Variants in CCDC91 observed in about 807,000 individuals in gnomAD.
CCDC91 encodes coiled-coil domain containing 91.
Under a neutral mutation model 63.2 loss-of-function variants are expected in CCDC91, and 48 were observed. The observed-to-expected ratio is 0.76, with a 90% CI of 0.60 to 0.97. CCDC91 has a LOEUF of 0.97. Among genes scored for constraint, CCDC91 ranks in the 50% least tolerant of loss-of-function variants. The pLI, the probability that CCDC91 is intolerant of heterozygous loss-of-function variation, is 0.00. For missense variants in CCDC91, 500 were observed against 494.6 expected (o/e 1.01, Z -0.10); for synonymous variants, 167 against 165.8 (o/e 1.01, Z -0.06).
intron 10 of CCDC91, among the ~76,000 whole-genome samples, chr12:28,450,936 AT>A: frequency 6.6e-6 from 1 of 151,858 alleles, no homozygotes; most frequent in Middle Eastern, 3.4e-3. Flanking sequence ...GGTGACTATG[AT>A]TTTGTCTTTT....
At chr12:28,335,836 C>T (rs1941934938) in intron 6 of CCDC91, among the ~76,000 whole-genome samples, 1 of 151,646 alleles carries the variant, frequency 6.6e-6, no homozygotes, top group Non-Finnish European at 1.5e-5. Flanking sequence ...ATTATATTAA[C>T]TCTGTGTTAC....
At chr12:28,343,984 A>C (rs574535965) in intron 6 of CCDC91, among the ~76,000 whole-genome samples, 1 of 152,150 alleles carries the variant, frequency 6.6e-6, no homozygotes, top group Non-Finnish European at 1.5e-5. Flanking sequence ...AGCATCTGAA[A>C]GATGTGATTC....
chr12:28,218,154 A>G (rs997947516), intron 1 of CCDC91, among the ~76,000 whole-genome samples: 7 of 151,814 alleles, frequency 4.6e-5, no homozygotes, highest in Admixed American at 1.3e-4. Flanking sequence ...TTTTCCCCTA[A>G]TATCTTACTC....
chr12:28,386,637 G>GATTAC (rs1945620900), intron 7 of CCDC91, among the ~76,000 whole-genome samples: 1 of 152,154 alleles, frequency 6.6e-6, no homozygotes, highest in African/African-American at 2.4e-5. Context: ...AAAGTACTGG[G>GATTAC]ATTACAGGCG....
At chr12:28,465,033 C>T (rs2140516542) in intron 11 of CCDC91, among the ~76,000 whole-genome samples, 1 of 152,230 alleles carries the variant, frequency 6.6e-6, no homozygotes, top group East Asian at 1.9e-4. Flanking sequence ...GCCTTAAGGG[C>T]TCATGAGCAG....
At chr12:28,239,573 TTAAC>T (rs72363967) in intron 1 of CCDC91, among the ~76,000 whole-genome samples, 39,281 of 151,778 alleles carry the variant, frequency 0.26, 5,306 homozygotes, top group Non-Finnish European at 0.31. Context: ...CATTGTGCTA[TTAAC>T]TATGTAATAT....
chr12:28,384,677 G>A (rs751593857), intron 7 of CCDC91, among the ~76,000 whole-genome samples: 1 of 152,058 alleles, frequency 6.6e-6, no homozygotes, highest in Non-Finnish European at 1.5e-5. Flanking sequence ...GCTTTACTGG[G>A]CTAGAAAAGC....
chr12:28,537,568 A>G (rs1051099485), intron 12 of CCDC91, among the ~76,000 whole-genome samples: 1 of 152,214 alleles, frequency 6.6e-6, no homozygotes. Context: ...TCCTTGTACC[A>G]TAAACTAGAA....
chr12:28,525,484 T>C (rs1237415928), intron 12 of CCDC91, among the ~76,000 whole-genome samples: 2 of 152,150 alleles, frequency 1.3e-5, no homozygotes, highest in Non-Finnish European at 2.9e-5. Context: ...AATTTCAATT[T>C]TCTTAAATTT....
chr12:28,410,545 A>T (rs1374369056), intron 8 of CCDC91, among the ~76,000 whole-genome samples: 2 of 152,048 alleles, frequency 1.3e-5, no homozygotes, highest in African/African-American at 4.8e-5. Context: ...TTTTTGAGAC[A>T]GAGTCTGGCT....
intron 12 of CCDC91, among the ~76,000 whole-genome samples, chr12:28,537,552 T>C (rs1942275588): frequency 6.6e-6 from 1 of 152,226 alleles, no homozygotes; most frequent in Non-Finnish European, 1.5e-5. Flanking sequence ...AGGATTTATA[T>C]TTGCCTCCTT....
At chr12:28,499,569 T>C (rs1406976117) in intron 12 of CCDC91, among the ~76,000 whole-genome samples, 1 of 151,986 alleles carries the variant, frequency 6.6e-6, no homozygotes, top group Non-Finnish European at 1.5e-5. Context: ...TGTGTTCTCA[T>C]TGTTCAACTC....
chr12:28,387,405 A>G (rs1489735907), intron 7 of CCDC91, among the ~76,000 whole-genome samples: 1 of 151,866 alleles, frequency 6.6e-6, no homozygotes, highest in African/African-American at 2.4e-5. Context: ...TTTTAGTTCC[A>G]TAGGATTTTG....
intron 1 of CCDC91, among the ~76,000 whole-genome samples, chr12:28,194,692 G>T (rs1211901652): frequency 2.0e-5 from 3 of 151,146 alleles, no homozygotes; most frequent in Non-Finnish European, 4.4e-5. Context: ...TGAAGCTGCA[G>T]ACCTTTGCGG....
chr12:28,271,599 TA>T (rs1273494254), intron 3 of CCDC91, among the ~76,000 whole-genome samples: 1 of 151,930 alleles, frequency 6.6e-6, no homozygotes, highest in African/African-American at 2.4e-5. Context: ...TTTTTATTGT[TA>T]TTGTTTTCTA....
intron 8 of CCDC91, among the ~76,000 whole-genome samples, chr12:28,421,792 G>A (rs886631864): frequency 2.2e-4 from 33 of 152,028 alleles, no homozygotes; most frequent in African/African-American, 7.5e-4. Flanking sequence ...AAGCCTGTGA[G>A]CCTGTTCCAT....
intron 6 of CCDC91, among the ~76,000 whole-genome samples, chr12:28,345,630 T>A (rs1467659420): frequency 6.6e-6 from 1 of 152,154 alleles, no homozygotes; most frequent in Non-Finnish European, 1.5e-5. Flanking sequence ...TCTAAAGCTT[T>A]TTTTAATGAA....
At chr12:28,530,699 A>G (rs1219213701) in intron 12 of CCDC91, among the ~76,000 whole-genome samples, 2 of 152,154 alleles carry the variant, frequency 1.3e-5, no homozygotes, top group Non-Finnish European at 2.9e-5. Context: ...ATTTTTAAAG[A>G]TATTTGTAGC....
intron 12 of CCDC91, among the ~76,000 whole-genome samples, chr12:28,502,629 A>G (rs1278672613): frequency 1.3e-5 from 2 of 151,030 alleles, no homozygotes; most frequent in Admixed American, 1.3e-4. Context: ...TGCCAAGTCA[A>G]TCCTAAGCCA....
Sources: gnomAD v4.1 joint callset for allele counts (sites outside exome capture counted in the v4.1 genomes callset) on GRCh38, gnomAD v4.1.1 for gene constraint, MANE v1.5 for transcripts, NCBI Gene and HGNC (gene_info 2026-07-23, HGNC 2026-07-21) for gene names.